Variants in PALM2AKAP2 observed in about 807,000 individuals in gnomAD.
PALM2AKAP2 encodes PALM2-AKAP2 fusion protein.
Under a neutral mutation model 71.5 loss-of-function variants are expected in PALM2AKAP2, and 37 were observed. That is an observed-to-expected ratio of 0.52 (90% CI 0.40 to 0.68). The LOEUF (loss-of-function observed/expected upper bound fraction) is 0.68. PALM2AKAP2 is among the 30% of genes least tolerant of loss of function. PALM2AKAP2 has a pLI of 0.00. For synonymous variants in PALM2AKAP2, 468 were observed against 478.8 expected (o/e 0.98, Z 0.29); for missense variants, 1,224 against 1,191.8 (o/e 1.03, Z -0.40).
chr9:110,048,743 A>G lies in PALM2AKAP2; in HGVS notation c.44A>G (p.Glu15Gly), dbSNP rs764654508. The change falls in exon 1 of 4, where the codon GAG (glutamate) becomes GGG (glycine). Residue 15 changes from glutamate (E) to glycine (G), a missense_variant. Coordinates refer to ENST00000374525, the Ensembl canonical transcript of PALM2AKAP2. ...GGGGCTGCCGCTCGCCTTCCCCCGG[A>G]GTCTCCTGGACCCCCGGAGTCTCCT... 4.4e-6 allele frequency: 6 copies of G among 1,369,858 alleles called. No individual in the cohort carries two copies. In the African/African-American group the frequency reaches 5.6e-5, roughly 13 times the overall value. The allele number at this position is 1,369,858 out of a possible 1,614,324, so 84.9% of individuals were successfully genotyped here.
At chr9:110,001,414 T>C (rs1484830530) in intron 6 of PALM2AKAP2, among the ~76,000 whole-genome samples, 1 of 152,236 alleles carries the variant, frequency 6.6e-6, no homozygotes, top group East Asian at 1.9e-4. Context: ...TTGGTTACTG[T>C]AACCTTGTAG....
intron 1 of PALM2AKAP2, among the ~76,000 whole-genome samples, chr9:109,752,835 G>C (rs1042403028): frequency 6.6e-6 from 1 of 152,126 alleles, no homozygotes; most frequent in Non-Finnish European, 1.5e-5. Context: ...ACCAGTAGCC[G>C]GGCAATCTTG....
intron 3 of PALM2AKAP2, among the ~76,000 whole-genome samples, chr9:110,159,692 G>A (rs748793629): frequency 7.9e-5 from 12 of 152,278 alleles, no homozygotes; most frequent in Non-Finnish European, 1.6e-4. Context: ...TGCTGAGTGA[G>A]AAAAACTGAT....
intron 3 of PALM2AKAP2, among the ~76,000 whole-genome samples, chr9:109,918,422 G>T (rs948752751): frequency 6.6e-6 from 1 of 152,096 alleles, no homozygotes; most frequent in African/African-American, 2.4e-5. Flanking sequence ...TTTCCTTATG[G>T]CTTATTACAG....
chr9:109,915,545 A>T (rs1183062691), intron 3 of PALM2AKAP2, among the ~76,000 whole-genome samples: 1 of 152,182 alleles, frequency 6.6e-6, no homozygotes, highest in Non-Finnish European at 1.5e-5. Flanking sequence ...GCTGCACATC[A>T]TCTCTGCAAC....
intron 6 of PALM2AKAP2, among the ~76,000 whole-genome samples, chr9:109,933,618 T>C (rs532661583): frequency 6.6e-6 from 1 of 152,364 alleles, no homozygotes; most frequent in South Asian, 2.1e-4. Context: ...ATACACATTA[T>C]TACCACAACC....
chr9:110,097,927 G>A (rs1307920884), intron 1 of PALM2AKAP2, among the ~76,000 whole-genome samples: 1 of 141,536 alleles, frequency 7.1e-6, no homozygotes, highest in Non-Finnish European at 1.5e-5. Context: ...GGGAGGCCAA[G>A]GCTGGCGGAT....
In PALM2AKAP2 at chr9:109,795,732, T is replaced by C. The variant is rs77804117; in HGVS notation, c.45+15199T>C. On this transcript the variant is annotated intron_variant, in intron 1 of 9. Transcript: ENST00000302798. Reference sequence around the variant, plus strand: ...CTAACATTTCTGCGGAGATTCACTATAGTCAGGCCTTAGGCTGGTGCTGTA... The same window carrying C: ...CTAACATTTCTGCGGAGATTCACTACAGTCAGGCCTTAGGCTGGTGCTGTA... Among the ~76,000 whole-genome samples, 421 of 152,352 alleles carry C rather than the reference T, an allele frequency of 2.8e-3. 3 individuals carry two copies. The highest frequency in any genetic ancestry group is 9.7e-3 in the African/African-American group (403 of 41,586).
chr9:109,908,813 CA>C (rs1830506775), intron 3 of PALM2AKAP2, among the ~76,000 whole-genome samples: 1 of 106,666 alleles, frequency 9.4e-6, no homozygotes, highest in Non-Finnish European at 1.7e-5. Context: ...CGTGTGCACA[CA>C]CACACACACA....
At position 110,155,590 on chromosome 9, in the gene PALM2AKAP2, C is replaced by T. The variant is rs111988183; in HGVS notation, c.2570-729C>T. Reference sequence around the variant, plus strand: ...GACATTGCGAGAGCTAAAATCTCCTCATTCCCAAGGCTGGTGTGCACCTTT... The same window carrying T: ...GACATTGCGAGAGCTAAAATCTCCTTATTCCCAAGGCTGGTGTGCACCTTT... On this transcript the variant is annotated intron_variant, in intron 2 of 3. Coordinates refer to ENST00000374525, the Ensembl canonical transcript of PALM2AKAP2. 2.4e-4 allele frequency among the ~76,000 whole-genome samples: 37 copies of T among 152,288 alleles called. 1 individual carries two copies. The highest frequency in any genetic ancestry group is 8.7e-4 in the African/African-American group (36 of 41,552).
chr9:110,164,906 T>C (rs1382532645), intron 3 of PALM2AKAP2, among the ~76,000 whole-genome samples: 1 of 152,118 alleles, frequency 6.6e-6, no homozygotes, highest in African/African-American at 2.4e-5. Flanking sequence ...TGCTCTTCTC[T>C]GGTGTGTCTC....
At chr9:109,764,745 G>A (rs1056811048) in intron 1 of PALM2AKAP2, among the ~76,000 whole-genome samples, 1 of 152,158 alleles carries the variant, frequency 6.6e-6, no homozygotes, top group Non-Finnish European at 1.5e-5. Flanking sequence ...TGGACGGATG[G>A]ATGGATGGGA....
chr9:109,676,108 T>C lies in PALM2AKAP2; in HGVS notation c.5+35242T>C, dbSNP rs138343907. Among the ~76,000 whole-genome samples, 178 of 152,306 alleles carry C rather than the reference T, an allele frequency of 1.2e-3. 1 individual carries two copies. Among genetic ancestry groups the C allele is most frequent in the African/African-American group, 4.0e-3 (167 of 41,570 alleles). ...TGGGTAGAGAAAAGTAGTCAGGGTCTTAACCATGCTCTGCTTCAGGAAAAG... is the reference window on the plus strand; with the variant it reads ...TGGGTAGAGAAAAGTAGTCAGGGTCCTAACCATGCTCTGCTTCAGGAAAAG... On this transcript the variant is annotated intron_variant, in intron 1 of 6. Transcript: ENST00000374531.
chr9:110,093,576 G>C (rs1427108793), intron 1 of PALM2AKAP2, among the ~76,000 whole-genome samples: 1 of 152,150 alleles, frequency 6.6e-6, no homozygotes, highest in Non-Finnish European at 1.5e-5. Flanking sequence ...AAGATTCAAG[G>C]CTGGCATAGC....
chr9:110,027,838 T>C (rs763075979), intron 7 of PALM2AKAP2, among the ~76,000 whole-genome samples: 52 of 152,202 alleles, frequency 3.4e-4, no homozygotes, highest in Non-Finnish European at 6.3e-4. Flanking sequence ...GAAGGCCTTT[T>C]GTTGCCAGTG....
intron 1 of PALM2AKAP2, among the ~76,000 whole-genome samples, chr9:109,692,312 C>T (rs979439431): frequency 6.6e-6 from 1 of 151,842 alleles, no homozygotes; most frequent in African/African-American, 2.4e-5. Flanking sequence ...TGAGACCTTG[C>T]TAAACTCATT....
chr9:109,942,833 G>C (rs780970261), intron 6 of PALM2AKAP2: 2 of 1,614,158 alleles, frequency 1.2e-6, no homozygotes, highest in African/African-American at 2.7e-5. Context: ...TATGAGGTGC[G>C]CTCAGGAGGC....
exon 4 of PALM2AKAP2, chr9:109,923,772 T>C (rs1248225261): frequency 6.2e-7 from 1 of 1,604,280 alleles, no homozygotes; most frequent in African/African-American, 1.3e-5. Context: ...AAGTGAAGAG[T>C]CCCAGATATC....
intron 7 of PALM2AKAP2, among the ~76,000 whole-genome samples, chr9:110,023,584 G>C (rs905776814): frequency 6.6e-6 from 1 of 151,908 alleles, no homozygotes; most frequent in Admixed American, 6.6e-5. Flanking sequence ...AAAGTGCTGG[G>C]ATTACAGGCG....
Sources: allele counts gnomAD v4.1 joint callset (sites outside exome capture counted in the v4.1 genomes callset), GRCh38; gene constraint gnomAD v4.1.1; transcripts MANE v1.5; gene names NCBI Gene and HGNC (gene_info 2026-07-23, HGNC 2026-07-21).